Variants in ATP13A4 observed in about 807,000 individuals in gnomAD.
The protein encoded by ATP13A4 is ATPase 13A4.
In ATP13A4, 114 loss-of-function variants were observed where a neutral mutation model predicts 142.5. That is an observed-to-expected ratio of 0.80 (90% CI 0.69 to 0.93). The LOEUF is 0.93. ATP13A4 is among the 40% of genes least tolerant of loss of function. The probability of loss-of-function intolerance (pLI) is 0.00; values close to 1 mark genes in which losing one functional copy is unlikely to be tolerated. For missense variants in ATP13A4, 1,392 were observed against 1,454.0 expected (o/e 0.96, Z 0.69); for synonymous variants, 488 against 514.8 (o/e 0.95, Z 0.70).
intron 2 of ATP13A4, among the ~76,000 whole-genome samples, chr3:193,563,927 G>A (rs1724079245): frequency 3.3e-5 from 5 of 152,156 alleles, no homozygotes; most frequent in Admixed American, 3.3e-4. Flanking sequence ...AGCCAGAAAA[G>A]TTACCTTCTA....
At chr3:193,536,444 A>G (rs1419267990) in intron 1 of ATP13A4, among the ~76,000 whole-genome samples, 1 of 152,114 alleles carries the variant, frequency 6.6e-6, no homozygotes, top group Non-Finnish European at 1.5e-5. Flanking sequence ...TGATAAATTC[A>G]TACCCATTCA....
At chr3:193,536,938 C>T (rs1722619455) in intron 1 of ATP13A4, among the ~76,000 whole-genome samples, 1 of 151,814 alleles carries the variant, frequency 6.6e-6, no homozygotes, top group Non-Finnish European at 1.5e-5. Flanking sequence ...CTATAAAAGG[C>T]TTATGAGAAA....
rs73198971 is a variant in ATP13A4 at position 193,463,265 on chromosome 3, A to G, written c.1462-442T>C. On this transcript the variant is annotated intron_variant, in intron 12 of 29. Transcript: ENST00000342695. ...CTTCAGAGGATTGTTTTGAGGATCTAATGGTAGACTGAATGGATGTGAAAG... is the reference window on the plus strand; with the variant it reads ...CTTCAGAGGATTGTTTTGAGGATCTGATGGTAGACTGAATGGATGTGAAAG... 2.8e-3 allele frequency among the ~76,000 whole-genome samples: 425 copies of G among 152,216 alleles called. 5 individuals are homozygous for G. Among genetic ancestry groups the G allele is most frequent in the South Asian group, 0.013 (64 of 4,826 alleles).
intron 1 of ATP13A4, among the ~76,000 whole-genome samples, chr3:193,517,281 T>G (rs1032320900): frequency 6.6e-6 from 1 of 152,192 alleles, no homozygotes; most frequent in Non-Finnish European, 1.5e-5. Context: ...AAGGAGCTCA[T>G]TAGTTTAGTA....
chr3:193,524,763 G>A (rs1041692671), intron 1 of ATP13A4, among the ~76,000 whole-genome samples: 1 of 152,168 alleles, frequency 6.6e-6, no homozygotes, highest in African/African-American at 2.4e-5. Context: ...TGGGATAATA[G>A]TTGTAAAAGA....
intron 1 of ATP13A4, among the ~76,000 whole-genome samples, chr3:193,592,046 T>C (rs1392519338): frequency 2.7e-5 from 4 of 149,710 alleles, no homozygotes; most frequent in Non-Finnish European, 5.9e-5. Context: ...CTTGGTGGTA[T>C]TGTGAGTGCA....
At position 193,573,290 on chromosome 3, in the gene ATP13A4, C is replaced by CTTATATATATATATAT. The variant is rs1279066051; in HGVS notation, n.291+8416_291+8417insATATATATATATATAA. On this transcript the variant is annotated intron_variant and non_coding_transcript_variant, in intron 2 of 3. Transcript: ENST00000489140. Reference sequence around the variant, plus strand: ...ATATATATATACATATATATATATACACATATATATATATATACATATATA... The same window carrying CTTATATATATATATAT: ...ATATATATATACATATATATATATACTTATATATATATATATACATATATATATATATACATATATA... Among the ~76,000 whole-genome samples the CTTATATATATATATAT allele has an allele frequency of 3.6e-4, 40 of 109,958 alleles. 1 individual carries two copies. Among genetic ancestry groups the CTTATATATATATATAT allele is most frequent in the Middle Eastern group, 4.2e-3 (1 of 240 alleles). The allele number at this position is 109,958 out of a possible 152,430, so 72.1% of individuals were successfully genotyped here.
At chr3:193,466,429 C>T (rs1718291504) in intron 10 of ATP13A4, among the ~76,000 whole-genome samples, 2 of 152,176 alleles carry the variant, frequency 1.3e-5, no homozygotes, top group African/African-American at 2.4e-5. Flanking sequence ...GATAGAAAAC[C>T]GCCGTACTGG....
intron 2 of ATP13A4, among the ~76,000 whole-genome samples, chr3:193,507,927 G>C (rs922223552): frequency 1.3e-5 from 2 of 152,156 alleles, no homozygotes; most frequent in Admixed American, 1.3e-4. Context: ...ATTGAGTTGT[G>C]TCCCCTCAAA....
At chr3:193,563,187 C>T (rs1487653671) in intron 2 of ATP13A4, among the ~76,000 whole-genome samples, 2 of 152,086 alleles carry the variant, frequency 1.3e-5, no homozygotes, top group Non-Finnish European at 2.9e-5. Context: ...AATTGAACAG[C>T]TTTATATTAA....
intron 1 of ATP13A4, among the ~76,000 whole-genome samples, chr3:193,584,272 G>A (rs540992669): frequency 6.6e-6 from 1 of 152,308 alleles, no homozygotes; most frequent in East Asian, 1.9e-4. Context: ...GTGATGTGGT[G>A]TTGGAAAGGT....
intron 2 of ATP13A4, among the ~76,000 whole-genome samples, chr3:193,503,946 TATGATG>T (rs1720703846): frequency 6.6e-6 from 1 of 151,760 alleles, no homozygotes; most frequent in African/African-American, 2.4e-5. Context: ...AGGAATTGTG[TATGATG>T]CATGTCTGCA....
In ATP13A4 at chr3:193,457,079, G is replaced by A. The variant is rs1323422772; in HGVS notation, c.1836C>T (p.Val612=). Residue 612 remains valine, a synonymous_variant, in exon 16 of 30, where the codon GTC becomes GTT. Coordinates refer to ENST00000342695, the MANE Select transcript of ATP13A4 (RefSeq NM_032279.4). ...SSALQRMTVI[V]QEMGGDRLAF... ...CCAGTCGGTCACCTCCCATCTCTTG[G>A]ACAATGACTGTCATTCTTTGCAGTG... The A allele has an allele frequency of 6.2e-7, 1 of 1,614,002 alleles. No homozygotes were observed. The highest frequency in any genetic ancestry group is 2.2e-5 in the East Asian group (1 of 44,884).
In ATP13A4 at chr3:193,399,639, G is replaced by A. The variant is rs1714199264; in HGVS notation, c.*3013C>T. ...CGAGGCGGGCGGATCACGAGGTCAG[G>A]AGATTGAAACCACCCTGGCTAACAT... On this transcript the variant is annotated 3_prime_UTR_variant, in exon 30 of 30. Transcript: ENST00000342695. Among the ~76,000 whole-genome samples, 2 of 152,030 alleles carry A rather than the reference G, an allele frequency of 1.3e-5. No individual in the cohort carries two copies. The highest frequency in any genetic ancestry group is 1.5e-5 in the Non-Finnish European group (1 of 68,018).
At chr3:193,480,203 C>T (rs181241852) in intron 8 of ATP13A4, among the ~76,000 whole-genome samples, 10 of 152,086 alleles carry the variant, frequency 6.6e-5, no homozygotes, top group Non-Finnish European at 1.3e-4. Context: ...ATTGGCTTAG[C>T]CAAAGACTTC....
intron 20 of ATP13A4, 37 bp from the exon 21 acceptor site, chr3:193,440,674 T>C (rs1354526948): frequency 1.1e-5 from 17 of 1,600,930 alleles, no homozygotes; most frequent in Non-Finnish European, 1.5e-5. Flanking sequence ...TTTTATCAAG[T>C]CATCTGGTTG....
intron 25 of ATP13A4, among the ~76,000 whole-genome samples, chr3:193,426,541 C>T (rs556711740): frequency 2.3e-3 from 356 of 151,886 alleles, no homozygotes; most frequent in African/African-American, 8.2e-3. Context: ...ATAAGAGTCC[C>T]TAAATCGTTT....
rs963469697 is a variant in ATP13A4 at position 193,466,253 on chromosome 3, A to G, written c.1115-71T>C. 8 of 1,571,262 alleles carry G rather than the reference A, an allele frequency of 5.1e-6. No individual in the cohort carries two copies. The African/African-American group carries it at 6.8e-5, about 13-fold the overall frequency. On this transcript the variant is annotated intron_variant, in intron 10 of 29. Transcript: ENST00000342695. ...ACTGCTAGCTCTTCCAAACCTCAAC[A>G]CTGCCTTTGTTTTTCTCTGCTGATA...
chr3:193,399,819 C>A lies in ATP13A4; in HGVS notation c.*2833G>T, dbSNP rs191155221. Among the ~76,000 whole-genome samples, 15 of 119,150 alleles carry A rather than the reference C, an allele frequency of 1.3e-4. No individual in the cohort carries two copies. Among genetic ancestry groups the A allele is most frequent in the African/African-American group, 4.8e-4 (15 of 31,114 alleles). The allele number at this position is 119,150 out of a possible 152,430, so 78.2% of individuals were successfully genotyped here. The stretch of plus-strand genomic sequence containing the variant: ...CGAGATTGTGCCACTGCACTCTAGC[C>A]TGGGCAACAGAGTGAGACTCCATCT... On this transcript the variant is annotated 3_prime_UTR_variant, in exon 30 of 30. Coordinates refer to ENST00000342695, the MANE Select transcript of ATP13A4 (RefSeq NM_032279.4).
Sources: gnomAD v4.1 joint callset for allele counts (sites outside exome capture counted in the v4.1 genomes callset) on GRCh38, gnomAD v4.1.1 for gene constraint, MANE v1.5 for transcripts, NCBI Gene and HGNC (gene_info 2026-07-23, HGNC 2026-07-21) for gene names.